Variants in RSU1 observed in about 807,000 individuals in gnomAD.
RSU1 encodes the protein rsu-1.
In RSU1, 26 loss-of-function variants were observed where a neutral mutation model predicts 31.1. The observed-to-expected ratio is 0.84, with a 90% CI of 0.61 to 1.16. RSU1 has a LOEUF of 1.16. Among genes scored for constraint, RSU1 ranks in the 50% most tolerant of loss-of-function variants. The pLI, the probability that RSU1 is intolerant of heterozygous loss-of-function variation, is 0.00. For missense variants in RSU1, 320 were observed against 339.1 expected, an observed-to-expected ratio of 0.94 and a Z score of 0.44; for synonymous variants, 164 against 136.3, an observed-to-expected ratio of 1.20 and a Z score of -1.41.
At chr10:16,643,317 T>C (rs1219311657) in intron 8 of RSU1, among the ~76,000 whole-genome samples, 1 of 152,232 alleles carries the variant, frequency 6.6e-6, no homozygotes, top group African/African-American at 2.4e-5. Flanking sequence ...CAATGATTCC[T>C]AGTAGATACT....
At chr10:16,764,359 T>C in intron 4 of RSU1, 31 bp downstream of exon 4, 1 of 1,598,108 alleles carries the variant, frequency 6.3e-7, no homozygotes, top group Non-Finnish European at 8.5e-7. Flanking sequence ...ACTCTCTTCC[T>C]CTCCATCCTT....
chr10:16,647,046 C>T (rs1203128593), intron 8 of RSU1, among the ~76,000 whole-genome samples: 4 of 150,592 alleles, frequency 2.7e-5, no homozygotes, highest in South Asian at 2.1e-4. Flanking sequence ...GGTGTGATCT[C>T]GGCTCACTGC....
intron 3 of RSU1, among the ~76,000 whole-genome samples, chr10:16,773,442 C>T (rs1327456126): frequency 1.3e-5 from 2 of 152,122 alleles, no homozygotes; most frequent in Non-Finnish European, 2.9e-5. Flanking sequence ...TCCCGTTCTT[C>T]GACTGGAAGG....
At chr10:16,767,446 C>T (rs1422960540) in intron 3 of RSU1, 1 of 152,112 alleles carries the variant, frequency 6.6e-6, no homozygotes, top group East Asian at 1.9e-4. Flanking sequence ...TGATTTAGGG[C>T]TTTGTTTTGT....
chr10:16,736,627 C>A (rs1323754314), intron 7 of RSU1, among the ~76,000 whole-genome samples: 1 of 151,662 alleles, frequency 6.6e-6, no homozygotes, highest in Non-Finnish European at 1.5e-5. Context: ...ACAGTAAAAA[C>A]CAAAAACCAA....
chr10:16,724,904 A>G (rs1836352591), intron 7 of RSU1, among the ~76,000 whole-genome samples: 1 of 152,234 alleles, frequency 6.6e-6, no homozygotes, highest in South Asian at 2.1e-4. Flanking sequence ...AGCAATGTTG[A>G]GTGAAAGAAG....
rs143562086 is a variant in RSU1 at position 16,777,340 on chromosome 10, G to C, written c.160+4694C>G. Among the ~76,000 whole-genome samples the C allele has an allele frequency of 3.9e-3, 594 of 151,900 alleles. 3 individuals are homozygous for C. Among genetic ancestry groups the C allele is most frequent in the African/African-American group, 0.014 (578 of 41,484 alleles). On this transcript the variant is annotated intron_variant, in intron 3 of 8. Transcript: ENST00000345264. ...TAATTCTTTCAACGTAAGGATATTG[G>C]AGGAAGAGAAATGTTTCTAATTTGA...
chr10:16,800,691 T>C (rs1487342653), intron 2 of RSU1, among the ~76,000 whole-genome samples: 1 of 152,182 alleles, frequency 6.6e-6, no homozygotes, highest in African/African-American at 2.4e-5. Context: ...AAGAAGGAAC[T>C]GGAAATGTCT....
intron 8 of RSU1, among the ~76,000 whole-genome samples, chr10:16,673,464 G>A (rs1835158172): frequency 6.7e-6 from 1 of 149,474 alleles, no homozygotes; most frequent in African/African-American, 2.6e-5. Flanking sequence ...ATTAACAATG[G>A]GAATTTGACT....
At chr10:16,684,969 CGGGTATGGTGGCTCATGCTT>C (rs1564316203) in intron 8 of RSU1, among the ~76,000 whole-genome samples, 1 of 152,044 alleles carries the variant, frequency 6.6e-6, no homozygotes, top group East Asian at 1.9e-4. Flanking sequence ...TTATTTAGGC[CGGGTATGGTGGCTCATGCTT>C]GTAATCCCAG....
intron 8 of RSU1, among the ~76,000 whole-genome samples, chr10:16,682,928 C>CT (rs1835359837): frequency 6.6e-6 from 1 of 152,130 alleles, no homozygotes; most frequent in African/African-American, 2.4e-5. Flanking sequence ...CTGTGGAACC[C>CT]TCCCTTCATG....
intron 8 of RSU1, among the ~76,000 whole-genome samples, chr10:16,602,746 C>G (rs1223860732): frequency 2.6e-5 from 4 of 152,056 alleles, no homozygotes; most frequent in Non-Finnish European, 5.9e-5. Flanking sequence ...AAGAAAAGAA[C>G]CAATTTTAAA....
intron 8 of RSU1, among the ~76,000 whole-genome samples, chr10:16,648,932 C>T (rs1485989463): frequency 6.6e-6 from 1 of 152,068 alleles, no homozygotes; most frequent in African/African-American, 2.4e-5. Context: ...TTTAGGATTT[C>T]ATTTATTTAT....
intron 8 of RSU1, among the ~76,000 whole-genome samples, chr10:16,669,370 T>A (rs556290242): frequency 1.3e-4 from 19 of 144,602 alleles, no homozygotes; most frequent in Non-Finnish European, 2.9e-4. Context: ...TTTCTGTTTT[T>A]TTTCCCCCCC....
At chr10:16,801,213 C>T (rs954102506) in intron 2 of RSU1, among the ~76,000 whole-genome samples, 2 of 151,406 alleles carry the variant, frequency 1.3e-5, no homozygotes, top group Non-Finnish European at 2.9e-5. Context: ...TGACGCTAAA[C>T]GCTAAACAAA....
Position 16,666,076 on chromosome 10 carries a change from G to A in RSU1, c.731+28947C>T, listed in dbSNP as rs545145180. ...TATGATATCTGCATTTTTGGCTTAT[G>A]CTTTTTTAAGATTAATTTTGATCTC... is the stretch of plus-strand genomic sequence containing the variant. On this transcript the variant is annotated intron_variant, in intron 8 of 8. Coordinates refer to ENST00000345264, the MANE Select transcript of RSU1 (RefSeq NM_012425.4). Among the ~76,000 whole-genome samples the A allele has an allele frequency of 7.2e-5, 11 of 152,134 alleles. No homozygotes were observed. In the South Asian group the frequency reaches 1.7e-3, roughly 23 times the overall value.
intron 2 of RSU1, among the ~76,000 whole-genome samples, chr10:16,792,282 G>A (rs995231024): frequency 6.6e-6 from 1 of 152,188 alleles, no homozygotes; most frequent in African/African-American, 2.4e-5. Flanking sequence ...TCGCAGGCTG[G>A]AGTGCAGTGG....
chr10:16,751,565 C>T (rs531345195), intron 7 of RSU1, among the ~76,000 whole-genome samples: 3 of 152,330 alleles, frequency 2.0e-5, no homozygotes, highest in African/African-American at 7.2e-5. Context: ...AAGGTCCTTG[C>T]TTCATTAATT....
intron 8 of RSU1, among the ~76,000 whole-genome samples, chr10:16,692,481 G>A (rs922748620): frequency 6.6e-6 from 1 of 152,178 alleles, no homozygotes; most frequent in East Asian, 1.9e-4. Flanking sequence ...ATTCCAGATG[G>A]CTAGGAGTTT....
Sources: allele counts gnomAD v4.1 joint callset (sites outside exome capture counted in the v4.1 genomes callset), GRCh38; gene constraint gnomAD v4.1.1; transcripts MANE v1.5; gene names NCBI Gene and HGNC (gene_info 2026-07-23, HGNC 2026-07-21).